GRM8: variants seen among roughly 807,000 people sequenced by gnomAD.
GRM8 encodes metabotropic glutamate receptor 8.
In GRM8, 47 loss-of-function variants were observed where a neutral mutation model predicts 87.2. The observed-to-expected ratio is 0.54, with a 90% CI of 0.43 to 0.69. GRM8 has a LOEUF of 0.69. GRM8 is among the 30% of genes least tolerant of loss of function. The pLI is 0.00. For synonymous variants in GRM8, 396 were observed against 404.5 expected, an observed-to-expected ratio of 0.98 and a Z score of 0.25; for missense variants, 1,019 against 1,139.2, an observed-to-expected ratio of 0.89 and a Z score of 1.52.
At chr7:127,023,279 T>C (rs1220626680) in intron 3 of GRM8, among the ~76,000 whole-genome samples, 1 of 152,122 alleles carries the variant, frequency 6.6e-6, no homozygotes, top group South Asian at 2.1e-4. Context: ...TTTTTAAGGC[T>C]TTGTTATGAA....
At chr7:126,701,949 C>A in intron 7 of GRM8, 1 of 339,886 alleles carries the variant, frequency 2.9e-6, no homozygotes, top group Non-Finnish European at 6.0e-6. Context: ...TCATGCTACC[C>A]ATTTCTTTCT....
chr7:126,632,477 T>C (rs905639017), intron 7 of GRM8, among the ~76,000 whole-genome samples: 4 of 152,252 alleles, frequency 2.6e-5, no homozygotes, highest in African/African-American at 9.6e-5. Flanking sequence ...AGTTTGGCAA[T>C]TCCTCAAAGA....
chr7:127,135,617 C>CAAAAAAA lies in GRM8; in HGVS notation c.511-28912_511-28906dup, dbSNP rs1168682673. ...TGGGCGACAGAGCGAGACTCCGTCT[C>CAAAAAAA]AAAAAAAAAAAAAAAAAAAAAAAAA... On this transcript the variant is annotated intron_variant, in intron 2 of 10. Coordinates refer to ENST00000339582, the MANE Select transcript of GRM8 (RefSeq NM_000845.3). 5.7e-4 allele frequency among the ~76,000 whole-genome samples: 21 copies of CAAAAAAA among 36,634 alleles called. 1 individual carries two copies. The highest frequency in any genetic ancestry group is 2.3e-3 in the East Asian group (3 of 1,308). The allele number at this position is 36,634 out of a possible 152,430, so 24.0% of individuals were successfully genotyped here. A position where few individuals can be genotyped will look rare whatever the true frequency, so the allele number is the denominator to read the frequency against.
At chr7:127,108,037 T>C (rs1825981298) in intron 2 of GRM8, among the ~76,000 whole-genome samples, 1 of 152,116 alleles carries the variant, frequency 6.6e-6, no homozygotes, top group African/African-American at 2.4e-5. Flanking sequence ...TTCTTTCTGG[T>C]TCTGTTCTCC....
chr7:126,581,211 T>C (rs1795578145), intron 8 of GRM8, among the ~76,000 whole-genome samples: 1 of 152,044 alleles, frequency 6.6e-6, no homozygotes, highest in Admixed American at 6.6e-5. Flanking sequence ...TCTCCTAATG[T>C]TCAGAGTCAT....
intron 6 of GRM8, among the ~76,000 whole-genome samples, chr7:126,779,481 A>G (rs1027032676): frequency 6.6e-6 from 1 of 152,080 alleles, no homozygotes; most frequent in African/African-American, 2.4e-5. Context: ...GATTAGTCTA[A>G]TAGTCTTTAT....
At chr7:126,716,250 C>T (rs1190188939) in intron 7 of GRM8, among the ~76,000 whole-genome samples, 6 of 150,754 alleles carry the variant, frequency 4.0e-5, no homozygotes, top group Non-Finnish European at 8.8e-5. Context: ...TACATATAGT[C>T]AGGGTCTTAG....
intron 3 of GRM8, among the ~76,000 whole-genome samples, chr7:126,989,967 A>C (rs1016229236): frequency 1.2e-4 from 18 of 151,770 alleles, no homozygotes; most frequent in African/African-American, 4.1e-4. Flanking sequence ...AAAATGGGGG[A>C]TAGGAAGGCA....
chr7:126,984,720 T>C (rs1407797598), intron 3 of GRM8, among the ~76,000 whole-genome samples: 1 of 152,154 alleles, frequency 6.6e-6, no homozygotes, highest in Non-Finnish European at 1.5e-5. Flanking sequence ...CTGCCTAATA[T>C]AGATTTTGTC....
chr7:126,469,539 G>A (rs781045752), intron 9 of GRM8, among the ~76,000 whole-genome samples: 1 of 152,064 alleles, frequency 6.6e-6, no homozygotes, highest in Non-Finnish European at 1.5e-5. Context: ...CATGAGGGTG[G>A]TTACCTCCAG....
intron 9 of GRM8, among the ~76,000 whole-genome samples, chr7:126,514,223 C>T (rs1811845997): frequency 6.6e-6 from 1 of 152,074 alleles, no homozygotes; most frequent in Non-Finnish European, 1.5e-5. Context: ...CTCTCATTGA[C>T]TTGCAATTGG....
chr7:126,485,705 C>T (rs528698052), intron 9 of GRM8, among the ~76,000 whole-genome samples: 1 of 152,058 alleles, frequency 6.6e-6, no homozygotes, highest in East Asian at 2.0e-4. Context: ...CAGTTGTTAA[C>T]CTTTTCGGCC....
At chr7:127,086,290 C>T (rs1823487426) in intron 3 of GRM8, among the ~76,000 whole-genome samples, 1 of 152,078 alleles carries the variant, frequency 6.6e-6, no homozygotes, top group Admixed American at 6.6e-5. Context: ...TTAGTAGAGG[C>T]CAGGTTTCAC....
chr7:127,120,192 A>G (rs142378764), intron 2 of GRM8, among the ~76,000 whole-genome samples: 99 of 152,310 alleles, frequency 6.5e-4, no homozygotes, highest in African/African-American at 1.8e-3. Context: ...GCTATCATCT[A>G]TGCATGGCTT....
chr7:126,939,576 C>A (rs1483203619), intron 3 of GRM8, among the ~76,000 whole-genome samples: 1 of 152,178 alleles, frequency 6.6e-6, no homozygotes, highest in Non-Finnish European at 1.5e-5. Flanking sequence ...GTTATGGCTA[C>A]ATAAAATAGT....
intron 6 of GRM8, among the ~76,000 whole-genome samples, chr7:126,796,846 G>C (rs1822004391): frequency 6.6e-6 from 1 of 151,998 alleles, no homozygotes; most frequent in Non-Finnish European, 1.5e-5. Flanking sequence ...AGGACCCACT[G>C]GGGCTTGTCT....
At chr7:126,622,753 T>G (rs958995842) in intron 7 of GRM8, among the ~76,000 whole-genome samples, 1 of 152,280 alleles carries the variant, frequency 6.6e-6, no homozygotes, top group South Asian at 2.1e-4. Flanking sequence ...CGTTACTCTA[T>G]CCCCACAGAC....
At chr7:126,486,859 T>C (rs948928115) in intron 9 of GRM8, among the ~76,000 whole-genome samples, 1 of 152,098 alleles carries the variant, frequency 6.6e-6, no homozygotes, top group Non-Finnish European at 1.5e-5. Context: ...AGATTACTAA[T>C]GTGTCCCTAT....
chr7:126,714,847 C>G (rs1585635130), intron 7 of GRM8, among the ~76,000 whole-genome samples: 1 of 151,824 alleles, frequency 6.6e-6, no homozygotes, highest in African/African-American at 2.4e-5. Context: ...TATAAACACA[C>G]TCTATTCTTA....
Sources: gnomAD v4.1 joint callset for allele counts (sites outside exome capture counted in the v4.1 genomes callset) on GRCh38, gnomAD v4.1.1 for gene constraint, MANE v1.5 for transcripts, NCBI Gene and HGNC (gene_info 2026-07-23, HGNC 2026-07-21) for gene names.